SERPINF2: variants seen among roughly 807,000 people sequenced by gnomAD.
SERPINF2 encodes serpin family F member 2, also known as alpha-2-antiplasmin.
A neutral mutation model predicts 45.0 loss-of-function variants in SERPINF2; 15 were observed. The ratio of observed to expected loss-of-function variants is 0.33; its 90% CI spans 0.22 to 0.51. The LOEUF (loss-of-function observed/expected upper bound fraction) is 0.51. SERPINF2 is among the 20% of genes least tolerant of loss of function. SERPINF2 has a pLI of 0.97. For synonymous variants in SERPINF2, 283 were observed against 277.9 expected (o/e 1.02, Z -0.18); for missense variants, 518 against 637.4 (o/e 0.81, Z 2.02).
intron 5 of SERPINF2, among the ~76,000 whole-genome samples, chr17:1,746,740 C>T (rs1002945656): frequency 1.3e-5 from 2 of 151,970 alleles, no homozygotes; most frequent in Non-Finnish European, 2.9e-5. Flanking sequence ...CCTGGTGATT[C>T]TTATGCAAGA....
chr17:1,750,703 G>A (rs1179794941), intron 8 of SERPINF2, among the ~76,000 whole-genome samples: 1 of 152,200 alleles, frequency 6.6e-6, no homozygotes, highest in Non-Finnish European at 1.5e-5. Flanking sequence ...CTGTGGCTGA[G>A]ATGGCTGTAT....
At position 1,754,144 on chromosome 17, in the gene SERPINF2, C is replaced by T. The variant is rs765317192; in HGVS notation, c.1086C>T (p.Ala362=). The part of the protein sequence containing the change: ...SQLGLQELFQ[A]PDLRGISEQS... ...CAGGCCTGCAGGAGTTGTTCCAGGC[C>T]CCAGACCTGCGTGGGATCTCCGAGC... The change falls in exon 10 of 10, where the codon GCC becomes GCT. Residue 362 remains alanine (A), a synonymous_variant. Transcript: ENST00000453066. 1.2e-6 allele frequency: 2 copies of T among 1,607,890 alleles called. No homozygotes were observed. The highest frequency in any genetic ancestry group is 1.3e-5 in the African/African-American group (1 of 74,924).
rs574109042 is a variant in SERPINF2 at position 1,750,410 on chromosome 17, G to A, written c.858+1670G>A. The stretch of plus-strand genomic sequence containing the variant: ...GATCCGCCTGCCTCAGCCTCCCAAC[G>A]TGCTGGGATTACAGGTGTGAGCCAC... On this transcript the variant is annotated intron_variant, in intron 8 of 9. Transcript: ENST00000453066. Among the ~76,000 whole-genome samples the A allele has an allele frequency of 2.1e-3, 315 of 151,738 alleles. 1 individual carries two copies. Among genetic ancestry groups the A allele is most frequent in the Non-Finnish European group, 3.4e-3 (230 of 67,964 alleles).
rs1474550068 is a variant in SERPINF2, at chr17:1,751,961, G to A, written c.859-625G>A. ...ACAAAGACAGGCGATTCCTTACGCCGGGTCACACGGCCAGCTGGTAGCCGG... is the reference window on the plus strand; with the variant it reads ...ACAAAGACAGGCGATTCCTTACGCCAGGTCACACGGCCAGCTGGTAGCCGG... On this transcript the variant is annotated intron_variant, in intron 8 of 9. Coordinates refer to ENST00000453066, the MANE Select transcript of SERPINF2 (RefSeq NM_000934.4). Among the ~76,000 whole-genome samples, 12 of 138,680 alleles carry A rather than the reference G, an allele frequency of 8.7e-5. 2 individuals are homozygous for A. Among genetic ancestry groups the A allele is most frequent in the Admixed American group, 1.4e-4 (2 of 13,916 alleles). The allele number at this position is 138,680 out of a possible 152,430, so 91.0% of individuals were successfully genotyped here.
chr17:1,750,333 G>A (rs139652262), intron 8 of SERPINF2, among the ~76,000 whole-genome samples: 1 of 152,042 alleles, frequency 6.6e-6, no homozygotes, highest in Non-Finnish European at 1.5e-5. Context: ...ATTTTTAGTA[G>A]AGACGGGGTT....
Position 1,745,474 on chromosome 17 carries a change from G to A in SERPINF2, c.165+79G>A. 7.2e-7 allele frequency: 1 copy of A among 1,387,664 alleles called. No homozygotes were observed. The highest frequency in any genetic ancestry group is 1.0e-6 in the Non-Finnish European group (1 of 992,340). The allele number at this position is 1,387,664 out of a possible 1,614,324, so 86.0% of individuals were successfully genotyped here. On this transcript the variant is annotated intron_variant, in intron 4 of 9. Coordinates refer to ENST00000453066, the MANE Select transcript of SERPINF2 (RefSeq NM_000934.4). The surrounding 1 kb of genome is among the most constrained non-coding windows in gnomAD (Gnocchi z 6.2). Reference sequence around the variant, plus strand: ...CATCGGCAGGGGTCGGGGGGTGGGGGCGCGTGCTGAGGCTGAGGCTCTGGA... The same window carrying A: ...CATCGGCAGGGGTCGGGGGGTGGGGACGCGTGCTGAGGCTGAGGCTCTGGA...
chr17:1,750,125 C>T (rs1241259181), intron 8 of SERPINF2, among the ~76,000 whole-genome samples: 1 of 151,952 alleles, frequency 6.6e-6, no homozygotes, highest in Non-Finnish European at 1.5e-5. Flanking sequence ...AGGCATGCAC[C>T]ACCACGCCTG....
chr17:1,752,933 G>A, intron 9 of SERPINF2, 143 bp downstream of exon 9: 1 of 727,600 alleles, frequency 1.4e-6, no homozygotes, highest in Non-Finnish European at 2.3e-6. Flanking sequence ...GGAGAGGGTT[G>A]AATATGAGCC....
rs748899037 is a variant in SERPINF2, at chr17:1,747,523, C to T, written c.715+11C>T. The T allele has an allele frequency of 6.2e-7, 1 of 1,613,054 alleles. No homozygotes were observed. The highest frequency in any genetic ancestry group is 1.7e-5 in the Admixed American group (1 of 59,920). On this transcript the variant is annotated intron_variant, in intron 7 of 9. Coordinates refer to ENST00000453066, the MANE Select transcript of SERPINF2 (RefSeq NM_000934.4). ...CCATCCACTTCCAGGGTGCGCTCCT[C>T]CTCCTCTCAGATCCCCCACCCTGTA...
intron 9 of SERPINF2, 80 bp downstream of exon 9, chr17:1,752,870 A>G: frequency 7.8e-7 from 1 of 1,277,838 alleles, no homozygotes; most frequent in Non-Finnish European, 1.1e-6. Context: ...CTGGCAGTGG[A>G]GCTGAGTCAG....
rs767370481 is a variant in SERPINF2, at chr17:1,745,031, G to C, written c.36G>C (p.Trp12Cys). 1.9e-5 allele frequency: 31 copies of C among 1,613,520 alleles called. No homozygotes were observed. The highest frequency in any genetic ancestry group is 2.4e-5 in the Non-Finnish European group (28 of 1,180,010). Residue 12 changes from tryptophan (W) to cysteine (C), a missense_variant, in exon 2 of 10, where the codon TGG becomes TGC. This residue lies in a region of SERPINF2 where 435 missense variants were observed against 577.3 expected (regional missense o/e 0.75). Coordinates refer to ENST00000453066, the MANE Select transcript of SERPINF2 (RefSeq NM_000934.4). The surrounding 1 kb of genome is among the most constrained non-coding windows in gnomAD (Gnocchi z 6.2). Reference protein sequence around the residue: ...ALLWGLLVLSWSCLQGPCSVF... With the variant: ...ALLWGLLVLSCSCLQGPCSVF... ...TCTGGGGGCTCCTGGTGCTCAGCTG[G>C]TCCTGCCTGCAAGGCCCCTGCTCCG...
At position 1,745,110 on chromosome 17, in the gene SERPINF2, G is replaced by T. The variant is rs1301328796; in HGVS notation, c.63+52G>T. 6.2e-7 allele frequency: 1 copy of T among 1,606,440 alleles called. No individual in the cohort carries two copies. Among genetic ancestry groups the T allele is most frequent in the Non-Finnish European group, 8.5e-7 (1 of 1,177,378 alleles). ...GGTGGGGTGGAGGGGGAAGAAGAGG[G>T]GCGTTGGCATGGAGGGAGGGCTTGG... On this transcript the variant is annotated intron_variant, in intron 2 of 9. Coordinates refer to ENST00000453066, the MANE Select transcript of SERPINF2 (RefSeq NM_000934.4). This position sits in a 1 kb window ranked among gnomAD's most constrained non-coding sequence, Gnocchi z 6.2.
chr17:1,754,696 C>T lies in SERPINF2; in HGVS notation c.*162C>T, dbSNP rs1253015086. 10 of 269,994 alleles carry T rather than the reference C, an allele frequency of 3.7e-5. No individual in the cohort carries two copies. The highest frequency in any genetic ancestry group is 1.2e-4 in the Admixed American group (2 of 16,008). The allele number at this position is 269,994 out of a possible 1,614,324, so 16.7% of individuals were successfully genotyped here. A position where few individuals can be genotyped will look rare whatever the true frequency, so the allele number is the denominator to read the frequency against. ...TGGGGAGTTTAGGGTGGGGGGGGGG[C>T]GCGGCTGGGAGGAGGGCAGGCATCG... On this transcript the variant is annotated 3_prime_UTR_variant, in exon 10 of 10. Transcript: ENST00000453066.
Position 1,745,415 on chromosome 17 carries a change from G to C in SERPINF2, c.165+20G>C. On this transcript the variant is annotated intron_variant, in intron 4 of 9. Transcript: ENST00000453066. This position sits in a 1 kb window ranked among gnomAD's most constrained non-coding sequence, Gnocchi z 6.2. ...AACCAGGTACAACCAGGTGGGGCTG[G>C]GGAAGAGTGGGCGGGGCTAGAGGGA... 1.2e-6 allele frequency: 2 copies of C among 1,611,772 alleles called. No homozygotes were observed. Among genetic ancestry groups the C allele is most frequent in the Non-Finnish European group, 8.5e-7 (1 of 1,179,672 alleles).
In SERPINF2 at chr17:1,754,685, T is replaced by TGGGGGGGTTTGGGGG. The variant is rs1906706350; in HGVS notation, c.*158_*159insTTTGGGGGGGGGGGG. On this transcript the variant is annotated 3_prime_UTR_variant, in exon 10 of 10. Transcript: ENST00000453066. ...CCAACACCTCTTGGGGAGTTTAGGG[T>TGGGGGGGTTTGGGGG]GGGGGGGGGGCGCGGCTGGGAGGAG... 1 of 177,402 alleles carries TGGGGGGGTTTGGGGG rather than the reference T, an allele frequency of 5.6e-6. No homozygotes were observed. The highest frequency in any genetic ancestry group is 1.1e-5 in the Non-Finnish European group (1 of 93,102). The allele number at this position is 177,402 out of a possible 1,614,324, so 11.0% of individuals were successfully genotyped here.
chr17:1,746,873 GC>G, intron 5 of SERPINF2, 145 bp from the exon 6 acceptor site: 1 of 1,118,530 alleles, frequency 8.9e-7, no homozygotes, highest in Non-Finnish European at 1.2e-6. Flanking sequence ...AGGGGTGAGA[GC>G]CACGCAGAAC....
chr17:1,744,587 CA>C, intron 1 of SERPINF2: 1 of 985,414 alleles, frequency 1.0e-6, no homozygotes, highest in African/African-American at 1.7e-5. Context: ...CACCGTTTTA[CA>C]AGGTAAGGCC....
chr17:1,752,926 G>A, intron 9 of SERPINF2, 136 bp downstream of exon 9: 1 of 770,032 alleles, frequency 1.3e-6, no homozygotes, highest in East Asian at 2.7e-5. Flanking sequence ...GGAGCGGGGA[G>A]AGGGTTGAAT....
intron 1 of SERPINF2, among the ~76,000 whole-genome samples, chr17:1,743,943 C>T (rs1905543892): frequency 1.3e-5 from 2 of 150,972 alleles, no homozygotes; most frequent in African/African-American, 4.9e-5. Context: ...GTCGCCCAGG[C>T]TGGAGTGCAG....
Sources: gnomAD v4.1 joint callset for allele counts (sites outside exome capture counted in the v4.1 genomes callset) on GRCh38, gnomAD v4.1.1 for gene constraint, gnomAD v4.1.1 regional missense constraint, Gnocchi (gnomAD v3.1) non-coding constraint, MANE v1.5 for transcripts, NCBI Gene and HGNC (gene_info 2026-07-23, HGNC 2026-07-21) for gene names.